The following WDPCP variants were observed in gnomAD, a reference collection of about 807,000 sequenced individuals.
The protein encoded by WDPCP is WD repeat-containing and planar cell polarity effector protein fritz homolog.
In WDPCP, 71 loss-of-function variants were observed where a neutral mutation model predicts 93.1. The observed-to-expected ratio is 0.76, with a 90% CI of 0.63 to 0.93. The LOEUF is 0.93. Among genes scored for constraint, WDPCP ranks in the 40% least tolerant of loss-of-function variants. The pLI, the probability that WDPCP is intolerant of heterozygous loss-of-function variation, is 0.00. For missense variants in WDPCP, 844 were observed against 887.4 expected, an observed-to-expected ratio of 0.95 and a Z score of 0.62; for synonymous variants, 315 against 315.0, an observed-to-expected ratio of 1.00 and a Z score of 0.00.
chr2:63,585,249 A>G (rs950483468), intron 1 of WDPCP, among the ~76,000 whole-genome samples: 2 of 152,230 alleles, frequency 1.3e-5, no homozygotes, highest in African/African-American at 4.8e-5. Flanking sequence ...CACTAAAGTG[A>G]ATGTAATAAT....
In WDPCP at chr2:63,588,432, T is replaced by C; in HGVS notation, c.-161A>G. 1.3e-6 allele frequency: 1 copy of C among 798,842 alleles called. No homozygotes were observed. Among genetic ancestry groups the C allele is most frequent in the Non-Finnish European group, 2.2e-6 (1 of 464,386 alleles). 49.5% of individuals were successfully genotyped at this position (798,842 alleles called of 1,614,324 possible). ...GCCAGGGTGTGCGTGCGCTCCCGCCTCGTCGCTTAGCAACCTGAGAAGCTG... is the reference window on the plus strand; with the variant it reads ...GCCAGGGTGTGCGTGCGCTCCCGCCCCGTCGCTTAGCAACCTGAGAAGCTG... On this transcript the variant is annotated 5_prime_UTR_variant, in exon 1 of 18. Transcript: ENST00000272321.
At chr2:63,326,128 T>C (rs748407709) in intron 12 of WDPCP, among the ~76,000 whole-genome samples, 2 of 152,226 alleles carry the variant, frequency 1.3e-5, no homozygotes, top group Non-Finnish European at 2.9e-5. Context: ...AGTTTATGGC[T>C]ATCGGACAAC....
At chr2:63,362,157 A>G (rs541389996) in intron 12 of WDPCP, among the ~76,000 whole-genome samples, 2 of 152,074 alleles carry the variant, frequency 1.3e-5, no homozygotes, top group African/African-American at 2.4e-5. Context: ...CTATTGAATA[A>G]CAGAACTTAT....
intron 12 of WDPCP, among the ~76,000 whole-genome samples, chr2:63,364,307 G>A (rs1009244382): frequency 6.6e-5 from 10 of 152,132 alleles, no homozygotes; most frequent in African/African-American, 2.4e-4. Context: ...TCTCAACCGA[G>A]TATAATATTC....
intron 3 of WDPCP, among the ~76,000 whole-genome samples, chr2:63,639,271 T>G (rs1350190611): frequency 1.3e-5 from 2 of 152,134 alleles, no homozygotes; most frequent in African/African-American, 4.8e-5. Flanking sequence ...GCCTTTCAAG[T>G]AGCTAAGATT....
intron 1 of WDPCP, among the ~76,000 whole-genome samples, chr2:63,498,315 G>A (rs944516597): frequency 1.3e-5 from 2 of 152,242 alleles, no homozygotes; most frequent in Admixed American, 6.5e-5. Flanking sequence ...GATTTAAATT[G>A]AGCTTCACAT....
chr2:63,815,755 T>C (rs1423327368), intron 1 of WDPCP, among the ~76,000 whole-genome samples: 1 of 152,246 alleles, frequency 6.6e-6, no homozygotes, highest in Non-Finnish European at 1.5e-5. Flanking sequence ...GGAAGGTCAG[T>C]ATTAGTCATT....
At chr2:63,720,619 T>C (rs2103785663) in intron 2 of WDPCP, among the ~76,000 whole-genome samples, 1 of 152,240 alleles carries the variant, frequency 6.6e-6, no homozygotes, top group East Asian at 1.9e-4. Context: ...TTATTAAGTC[T>C]AATGTGTCTC....
chr2:63,834,011 T>C, the WDPCP span, among the ~76,000 whole-genome samples: 1 of 152,144 alleles, frequency 6.6e-6, no homozygotes, highest in Admixed American at 6.5e-5. Context: ...CAAATAATTA[T>C]CAATGTGGTT....
At chr2:63,638,887 G>A (rs1432516572) in intron 3 of WDPCP, among the ~76,000 whole-genome samples, 2 of 151,274 alleles carry the variant, frequency 1.3e-5, no homozygotes, top group Non-Finnish European at 2.9e-5. Context: ...TGGCTGAAAA[G>A]AAAAAACAGA....
At chr2:63,575,481 G>A (rs13397867) in intron 1 of WDPCP, among the ~76,000 whole-genome samples, 3 of 101,616 alleles carry the variant, frequency 3.0e-5, no homozygotes, top group African/African-American at 1.0e-4. Flanking sequence ...TATATACAGT[G>A]TATATATAGT....
chr2:63,267,455 C>G (rs1682233811), intron 13 of WDPCP, among the ~76,000 whole-genome samples: 1 of 152,030 alleles, frequency 6.6e-6, no homozygotes, highest in South Asian at 2.1e-4. Flanking sequence ...ATTCCAAAAG[C>G]ACAAGCAGCA....
At chr2:63,676,602 C>A (rs1710405890) in intron 2 of WDPCP, among the ~76,000 whole-genome samples, 1 of 152,154 alleles carries the variant, frequency 6.6e-6, no homozygotes, top group Admixed American at 6.5e-5. Context: ...TACATGACTC[C>A]TTTTGTCTAA....
chr2:63,393,679 C>G (rs1362867342), intron 10 of WDPCP, among the ~76,000 whole-genome samples: 1 of 151,784 alleles, frequency 6.6e-6, no homozygotes, highest in African/African-American at 2.4e-5. Context: ...CAAACTATAC[C>G]ACAATGATGC....
At chr2:63,259,933 C>G (rs1306127681) in intron 13 of WDPCP, among the ~76,000 whole-genome samples, 2 of 152,116 alleles carry the variant, frequency 1.3e-5, no homozygotes, top group Non-Finnish European at 2.9e-5. Context: ...TCTCAGAAAG[C>G]TGTATGCCCA....
chr2:63,577,826 AAATTT>A lies in WDPCP; in HGVS notation c.75+10366_75+10370del, dbSNP rs1190588541. ...TATGTTGTGAAATGTTAATGTATTT[AAATTT>A]TTTAATTATACATGGAATTAACTTA... On this transcript the variant is annotated intron_variant, in intron 1 of 17. Transcript: ENST00000272321. 2.6e-5 allele frequency among the ~76,000 whole-genome samples: 4 copies of A among 152,342 alleles called. No individual in the cohort carries two copies. In the East Asian group the frequency reaches 7.7e-4, roughly 29 times the overall value.
intron 1 of WDPCP, among the ~76,000 whole-genome samples, chr2:63,823,760 A>C (rs1374946942): frequency 6.6e-6 from 1 of 152,204 alleles, no homozygotes; most frequent in Non-Finnish European, 1.5e-5. Context: ...ACTCAATGGA[A>C]TCTTTCAAAA....
intron 1 of WDPCP, among the ~76,000 whole-genome samples, chr2:63,546,996 A>G (rs1341457678): frequency 6.6e-6 from 1 of 152,162 alleles, no homozygotes; most frequent in African/African-American, 2.4e-5. Context: ...GAAACTCAAT[A>G]GAAAGAATTA....
chr2:63,332,335 A>C (rs1478350981), intron 12 of WDPCP, among the ~76,000 whole-genome samples: 1 of 152,046 alleles, frequency 6.6e-6, no homozygotes, highest in Non-Finnish European at 1.5e-5. Context: ...TATGGTTATA[A>C]CATCTTATAT....
Sources: gnomAD v4.1 joint callset for allele counts (sites outside exome capture counted in the v4.1 genomes callset) on GRCh38, gnomAD v4.1.1 for gene constraint, MANE v1.5 for transcripts, NCBI Gene and HGNC (gene_info 2026-07-23, HGNC 2026-07-21) for gene names.